The following LAMA2 variants were observed in gnomAD, a reference collection of about 807,000 sequenced individuals.
The protein encoded by LAMA2 is laminin subunit alpha 2.
LAMA2 carries 269 observed loss-of-function variants against 364.8 expected under a neutral mutation model. That is an observed-to-expected ratio of 0.74 (90% CI 0.67 to 0.82). The LOEUF is 0.82. LAMA2 is among the 40% of genes least tolerant of loss of function. LAMA2 has a pLI of 0.00. For synonymous variants in LAMA2, 1,379 were observed against 1,370.6 expected, an observed-to-expected ratio of 1.01 and a Z score of -0.14; for missense variants, 3,807 against 3,873.2, an observed-to-expected ratio of 0.98 and a Z score of 0.45.
chr6:128,883,374 G>A lies in LAMA2; in HGVS notation c.112+17G>A. 6.3e-7 allele frequency: 1 copy of A among 1,575,500 alleles called. No homozygotes were observed. The highest frequency in any genetic ancestry group is 1.2e-5 in the South Asian group (1 of 86,150). ...AGCAAAGAGGTACAGTCGAGGCATG[G>A]GCTTGGGTTGCATCCTTTGCCGGGA... On this transcript the variant is annotated intron_variant, in intron 1 of 64. Transcript: ENST00000421865.
chr6:129,105,423 T>A (rs1015379327), intron 4 of LAMA2, among the ~76,000 whole-genome samples: 1 of 152,160 alleles, frequency 6.6e-6, no homozygotes, highest in Non-Finnish European at 1.5e-5. Flanking sequence ...CTAGGAGCAT[T>A]TGAAAAATAG....
chr6:129,215,385 C>T (rs573601918), intron 12 of LAMA2, among the ~76,000 whole-genome samples: 1 of 152,260 alleles, frequency 6.6e-6, no homozygotes, highest in East Asian at 1.9e-4. Flanking sequence ...TATATCAAAG[C>T]TTCTGACTTC....
intron 1 of LAMA2, among the ~76,000 whole-genome samples, chr6:128,910,532 A>G (rs1310472264): frequency 6.6e-5 from 10 of 151,842 alleles, no homozygotes; most frequent in Non-Finnish European, 1.5e-5. Context: ...CTAGTTATAC[A>G]TTCTTCTAAA....
chr6:129,457,460 C>T (rs916933552), intron 48 of LAMA2, among the ~76,000 whole-genome samples: 2 of 152,038 alleles, frequency 1.3e-5, no homozygotes, highest in African/African-American at 4.8e-5. Context: ...GTTGGATTTC[C>T]TCCTCTTCCA....
intron 4 of LAMA2, among the ~76,000 whole-genome samples, chr6:129,102,339 G>A (rs1159571357): frequency 1.3e-5 from 2 of 151,772 alleles, no homozygotes; most frequent in Admixed American, 6.6e-5. Flanking sequence ...GTTTCACCAT[G>A]TTGGTCAGGA....
chr6:129,474,663 A>G (rs892915826), intron 52 of LAMA2, among the ~76,000 whole-genome samples: 13 of 152,168 alleles, frequency 8.5e-5, no homozygotes, highest in Non-Finnish European at 1.8e-4. Context: ...GCCAAACCTA[A>G]GGTTATTCAA....
At chr6:128,981,140 C>T (rs150803474) in intron 1 of LAMA2, among the ~76,000 whole-genome samples, 156 of 152,180 alleles carry the variant, frequency 1.0e-3, no homozygotes, top group African/African-American at 3.6e-3. Context: ...ATTAATTGAA[C>T]GATTTTCGGT....
intron 32 of LAMA2, among the ~76,000 whole-genome samples, chr6:129,355,169 T>G (rs1181588903): frequency 1.3e-5 from 2 of 152,172 alleles, no homozygotes; most frequent in Admixed American, 1.3e-4. Context: ...CACAGTTAAT[T>G]ATCTTATAAT....
At position 129,452,249 on chromosome 6, in the gene LAMA2, A is replaced by G. The variant is rs147148010; in HGVS notation, c.6430-739A>G. On this transcript the variant is annotated intron_variant, in intron 45 of 64. Transcript: ENST00000421865. ...GAAGGAAGGCTCTCTAAATATAAGTAAAAATTGGTATGAACAGTATTACTC... is the reference window on the plus strand; with the variant it reads ...GAAGGAAGGCTCTCTAAATATAAGTGAAAATTGGTATGAACAGTATTACTC... 3.5e-3 allele frequency among the ~76,000 whole-genome samples: 526 copies of G among 152,336 alleles called. 5 individuals are homozygous for G. The highest frequency in any genetic ancestry group is 0.012 in the African/African-American group (510 of 41,568).
At chr6:129,230,355 T>G (rs898670336) in intron 12 of LAMA2, among the ~76,000 whole-genome samples, 3 of 152,032 alleles carry the variant, frequency 2.0e-5, no homozygotes, top group Admixed American at 1.3e-4. Context: ...TTCAGTGGAA[T>G]GAAGGGCAAC....
intron 4 of LAMA2, among the ~76,000 whole-genome samples, chr6:129,131,175 A>T (rs1031300253): frequency 1.3e-5 from 2 of 152,176 alleles, no homozygotes; most frequent in Non-Finnish European, 2.9e-5. Context: ...TGGCCCCTGG[A>T]TGATTGATTA....
intron 1 of LAMA2, among the ~76,000 whole-genome samples, chr6:128,973,897 C>A (rs1227417609): frequency 6.6e-6 from 1 of 152,140 alleles, no homozygotes; most frequent in African/African-American, 2.4e-5. Context: ...TTTGTGGGGA[C>A]AATGCTGTGG....
At chr6:129,117,814 A>C (rs570056903) in intron 4 of LAMA2, among the ~76,000 whole-genome samples, 1 of 152,310 alleles carries the variant, frequency 6.6e-6, no homozygotes, top group East Asian at 1.9e-4. Context: ...TGCAAATAAG[A>C]AAACTGATGG....
chr6:129,482,167 G>T (rs1035319807), intron 55 of LAMA2, among the ~76,000 whole-genome samples: 3 of 152,056 alleles, frequency 2.0e-5, no homozygotes, highest in Non-Finnish European at 4.4e-5. Context: ...AATTAAATGG[G>T]CATGGTCGTG....
At position 129,287,995 on chromosome 6, in the gene LAMA2, C is replaced by T. The variant is rs764053957; in HGVS notation, c.2686C>T (p.Arg896Trp). 33 of 1,614,068 alleles carry T rather than the reference C, an allele frequency of 2.0e-5. No individual in the cohort carries two copies. In the Middle Eastern group the frequency reaches 9.9e-4, roughly 48 times the overall value. ...GATATGTAAACCAGGTACAACAGGCCGGTACTGTGAGCTCTGTGCTGATGG... is the reference window on the plus strand; with the variant it reads ...GATATGTAAACCAGGTACAACAGGCTGGTACTGTGAGCTCTGTGCTGATGG... Reference protein sequence around the residue: ...CLICKPGTTGRYCELCADGYF... With the variant: ...CLICKPGTTGWYCELCADGYF... Residue 896 changes from arginine to tryptophan, a missense_variant, in exon 19 of 65, where the codon CGG becomes TGG. Around this residue, in one of 3 missense-constraint regions of LAMA2, gnomAD observed 3,333 missense variants for 3,345.7 expected, o/e 1.00. Transcript: ENST00000421865.
intron 4 of LAMA2, among the ~76,000 whole-genome samples, chr6:129,136,004 C>T (rs1436457006): frequency 2.0e-5 from 3 of 151,748 alleles, no homozygotes; most frequent in Admixed American, 6.6e-5. Context: ...GTAAAATGAA[C>T]TCCTGTATGT....
chr6:129,030,428 A>G (rs912423900), intron 1 of LAMA2, among the ~76,000 whole-genome samples: 29 of 152,140 alleles, frequency 1.9e-4, no homozygotes, highest in Non-Finnish European at 2.9e-5. Flanking sequence ...TAGTTTAAGA[A>G]GAACTGGGAC....
intron 3 of LAMA2, among the ~76,000 whole-genome samples, chr6:129,089,562 CT>C (rs1774677861): frequency 6.6e-6 from 1 of 152,232 alleles, no homozygotes; most frequent in African/African-American, 2.4e-5. Flanking sequence ...CCTACCTGCT[CT>C]TTTACCAGTA....
intron 47 of LAMA2, among the ~76,000 whole-genome samples, chr6:129,455,197 A>G (rs1374930627): frequency 6.6e-6 from 1 of 152,070 alleles, no homozygotes; most frequent in Non-Finnish European, 1.5e-5. Context: ...ATGCCTGTGA[A>G]TAACCACTGC....
Sources: allele counts gnomAD v4.1 joint callset (sites outside exome capture counted in the v4.1 genomes callset), GRCh38; gene constraint gnomAD v4.1.1; regional missense constraint gnomAD v4.1.1; transcripts MANE v1.5; gene names NCBI Gene and HGNC (gene_info 2026-07-23, HGNC 2026-07-21).